Variants in ANO1 observed in about 807,000 individuals in gnomAD.
The protein encoded by ANO1 is anoctamin-1.
ANO1 carries 59 observed loss-of-function variants against 124.0 expected under a neutral mutation model. The ratio of observed to expected loss-of-function variants is 0.48; its 90% confidence interval spans 0.39 to 0.59. The LOEUF (loss-of-function observed/expected upper bound fraction) is 0.59, where lower values mean the gene tolerates loss of function less well. ANO1 is among the 20% of genes least tolerant of loss of function. ANO1 has a pLI of 0.00. For synonymous variants in ANO1, 529 were observed against 532.0 expected, an observed-to-expected ratio of 0.99 and a Z score of 0.08; for missense variants, 1,059 against 1,328.0, an observed-to-expected ratio of 0.80 and a Z score of 3.15.
At chr11:70,046,104 G>A (rs1283309047) in intron 1 of ANO1, among the ~76,000 whole-genome samples, 1 of 152,180 alleles carries the variant, frequency 6.6e-6, no homozygotes, top group Non-Finnish European at 1.5e-5. Flanking sequence ...CTCGATGCAT[G>A]ACAGAGGTGC....
In ANO1 at chr11:70,057,704, C is replaced by T. The variant is rs185540749; in HGVS notation, c.59-20838C>T. Among the ~76,000 whole-genome samples the T allele has an allele frequency of 4.3e-3, 649 of 151,858 alleles. 1 individual carries two copies. The highest frequency in any genetic ancestry group is 0.015 in the African/African-American group (619 of 41,384). ...CACAAGGTCGATTGATTGGTTGGGG[C>T]GGGGCAGGAACAAATCACAATGGTG... On this transcript the variant is annotated intron_variant, in intron 1 of 27. Transcript: ENST00000531349.
intron 1 of ANO1, among the ~76,000 whole-genome samples, chr11:69,994,180 A>T (rs557478535): frequency 6.6e-6 from 1 of 152,234 alleles, no homozygotes; most frequent in Admixed American, 6.5e-5. Context: ...GGGTTCAGGA[A>T]ACCCTTGCAC....
upstream of ANO1, among the ~76,000 whole-genome samples, chr11:70,076,108 G>A (rs550443263): frequency 2.5e-4 from 38 of 152,260 alleles, no homozygotes; most frequent in African/African-American, 8.9e-4. Flanking sequence ...GAAGACTTGG[G>A]GAAGGGGCGA....
chr11:70,000,010 G>A (rs1856351168), intron 1 of ANO1, among the ~76,000 whole-genome samples: 1 of 152,184 alleles, frequency 6.6e-6, no homozygotes, highest in South Asian at 2.1e-4. Context: ...TGAGCCAGGT[G>A]TAACCAAATG....
At chr11:70,119,425 T>C (rs967457015) in intron 8 of ANO1, among the ~76,000 whole-genome samples, 6 of 141,110 alleles carry the variant, frequency 4.3e-5, no homozygotes, top group African/African-American at 1.6e-4. Context: ...GATGGATGCC[T>C]GAGGGATGAA....
intron 10 of ANO1, among the ~76,000 whole-genome samples, chr11:70,128,368 C>T (rs1192996370): frequency 6.6e-6 from 1 of 152,168 alleles, no homozygotes; most frequent in Admixed American, 6.5e-5. Flanking sequence ...AGCTCAAAGC[C>T]GGAGGAAAAT....
chr11:69,972,299 A>C, the ANO1 span, among the ~76,000 whole-genome samples: 1 of 151,874 alleles, frequency 6.6e-6, no homozygotes, highest in Admixed American at 6.6e-5. Context: ...CCTAAAATGT[A>C]CAGTATGAGC....
chr11:70,123,969 C>T (rs894466343), intron 8 of ANO1, among the ~76,000 whole-genome samples: 3 of 152,124 alleles, frequency 2.0e-5, no homozygotes, highest in Non-Finnish European at 2.9e-5. Context: ...AGATAAACCT[C>T]GAGTATCTTT....
chr11:70,098,769 C>T (rs893512172), intron 2 of ANO1, among the ~76,000 whole-genome samples: 17 of 152,284 alleles, frequency 1.1e-4, no homozygotes, highest in South Asian at 4.1e-4. Context: ...ACAGGGCCAC[C>T]GCGTGGACTG....
At chr11:70,035,800 T>A (rs1490679268) in intron 1 of ANO1, among the ~76,000 whole-genome samples, 1 of 152,156 alleles carries the variant, frequency 6.6e-6, no homozygotes, top group African/African-American at 2.4e-5. Context: ...CTGTGTTAGT[T>A]TGCTGAGAAT....
At chr11:69,969,175 C>T in the ANO1 span, among the ~76,000 whole-genome samples, 2 of 152,180 alleles carry the variant, frequency 1.3e-5, no homozygotes, top group South Asian at 2.1e-4. Context: ...GAGGGTCCCT[C>T]ATAGGGGCCG....
intron 11 of ANO1, among the ~76,000 whole-genome samples, chr11:70,143,376 G>T (rs187349464): frequency 1.3e-5 from 2 of 152,160 alleles, no homozygotes; most frequent in African/African-American, 2.4e-5. Context: ...GAGGTGCCGC[G>T]AAATTAGGGA....
At chr11:70,133,587 G>A (rs1380865007) in intron 11 of ANO1, among the ~76,000 whole-genome samples, 2 of 152,112 alleles carry the variant, frequency 1.3e-5, no homozygotes, top group Non-Finnish European at 2.9e-5. Context: ...TGGCGCCTCC[G>A]TCCTCTCCAG....
At chr11:69,978,997 C>T in the ANO1 span, among the ~76,000 whole-genome samples, 1 of 152,220 alleles carries the variant, frequency 6.6e-6, no homozygotes, top group African/African-American at 2.4e-5. Flanking sequence ...ATATTTGCAC[C>T]ATTAATTAGA....
In ANO1 at chr11:70,095,283, G is replaced by GGAAAGAAA. The variant is rs2044824499; in HGVS notation, c.441+7202_441+7203insAGAAAGAA. Among the ~76,000 whole-genome samples, 17 of 84,094 alleles carry GGAAAGAAA rather than the reference G, an allele frequency of 2.0e-4. 3 individuals are homozygous for GGAAAGAAA. Among genetic ancestry groups the GGAAAGAAA allele is most frequent in the African/African-American group, 8.2e-4 (14 of 17,174 alleles). 55.2% of individuals were successfully genotyped at this position (84,094 alleles called of 152,430 possible). ...AGGAAGGAAGGAAGGAAGGAAGGAA[G>GGAAAGAAA]GAAGGAAGGAAGGAAGGAAAGAAAG... On this transcript the variant is annotated intron_variant, in intron 2 of 25. Coordinates refer to ENST00000355303, the MANE Select transcript of ANO1 (RefSeq NM_018043.7).
At chr11:70,038,591 C>G (rs1388006604) in intron 1 of ANO1, among the ~76,000 whole-genome samples, 2 of 152,132 alleles carry the variant, frequency 1.3e-5, no homozygotes, top group Admixed American at 6.5e-5. Context: ...TACAGGGACT[C>G]TGTTTCCCCT....
chr11:70,059,052 C>T (rs1436344628), intron 1 of ANO1, among the ~76,000 whole-genome samples: 4 of 151,242 alleles, frequency 2.6e-5, no homozygotes, highest in Non-Finnish European at 2.9e-5. Context: ...ATTAGCTGGG[C>T]GTGGTGGCGG....
At chr11:70,057,434 TTGTGTGTG>T (rs142366013) in intron 1 of ANO1, among the ~76,000 whole-genome samples, 7 of 149,922 alleles carry the variant, frequency 4.7e-5, no homozygotes, top group East Asian at 2.0e-4. Context: ...AACTCCAATT[TTGTGTGTG>T]TGTGTGTGTG....
At chr11:70,095,078 C>T (rs373128250) in intron 2 of ANO1, among the ~76,000 whole-genome samples, 4 of 151,808 alleles carry the variant, frequency 2.6e-5, no homozygotes, top group South Asian at 2.1e-4. Context: ...TGGTGGCTGG[C>T]GCCTGTAGTC....
Sources: gnomAD v4.1 joint callset for allele counts (sites outside exome capture counted in the v4.1 genomes callset) on GRCh38, gnomAD v4.1.1 for gene constraint, MANE v1.5 for transcripts, NCBI Gene and HGNC (gene_info 2026-07-23, HGNC 2026-07-21) for gene names.